The following POLR3E variants were observed in gnomAD, a reference collection of about 807,000 sequenced individuals.
The protein encoded by POLR3E is RNA polymerase III subunit E, also known as DNA-directed RNA polymerase III subunit RPC5.
POLR3E carries 41 observed loss-of-function variants against 96.6 expected under a neutral mutation model. The observed-to-expected ratio is 0.42, with a 90% confidence interval of 0.33 to 0.55. POLR3E has a LOEUF of 0.55. Ranked by LOEUF, POLR3E falls within the 20% of genes least tolerant of loss-of-function variation. POLR3E has a pLI of 0.06. For missense variants in POLR3E, 849 were observed against 952.1 expected (o/e 0.89, Z 1.43); for synonymous variants, 396 against 383.6 (o/e 1.03, Z -0.38).
In POLR3E at chr16:22,318,849, T is replaced by G; in HGVS notation, c.889T>G (p.Leu297Val). Reference protein sequence around the residue: ...KNVKVMPFANLMSLLGPSIDS... With the variant: ...KNVKVMPFANVMSLLGPSIDS... ...AGTGAAGGTCATGCCTTTTGCCAAC[T>G]TGATGAGCCTCCTGGGCCCCTCCAT... Residue 297 changes from leucine (L) to valine (V), a missense_variant, in exon 13 of 21, where the codon TTG becomes GTG. Physicochemically the swap from Leu to Val is conservative, Grantham distance 32. Transcript: ENST00000299853. This position sits in a 1 kb window ranked among gnomAD's most constrained non-coding sequence, Gnocchi z 5.0. 1 of 1,613,528 alleles carries G rather than the reference T, an allele frequency of 6.2e-7. No homozygotes were observed. Among genetic ancestry groups the G allele is most frequent in the Non-Finnish European group, 8.5e-7 (1 of 1,179,626 alleles).
chr16:22,299,150 C>T, intron 1 of POLR3E: 1 of 417,952 alleles, frequency 2.4e-6, no homozygotes. Context: ...CCTATCCTCT[C>T]CTGCAGGCGG....
chr16:22,321,961 G>A (rs561607075), intron 13 of POLR3E, among the ~76,000 whole-genome samples: 5 of 152,198 alleles, frequency 3.3e-5, no homozygotes, highest in Non-Finnish European at 5.9e-5. Flanking sequence ...GCCATGGACC[G>A]GGCTCTCATT....
intron 6 of POLR3E, among the ~76,000 whole-genome samples, chr16:22,311,492 TG>T (rs945757295): frequency 6.6e-6 from 1 of 151,060 alleles, no homozygotes; most frequent in African/African-American, 2.5e-5. Context: ...TGTTGTTGTT[TG>T]TTTTGGGGTT....
chr16:22,323,453 A>T (rs2048512478), intron 14 of POLR3E, among the ~76,000 whole-genome samples: 1 of 151,998 alleles, frequency 6.6e-6, no homozygotes, highest in South Asian at 2.1e-4. Context: ...CAAGGCCTGG[A>T]ACTCCATGCA....
intron 19 of POLR3E, 90 bp downstream of exon 19, chr16:22,328,677 C>G: frequency 1.0e-6 from 1 of 999,880 alleles, no homozygotes; most frequent in East Asian, 2.4e-5. Context: ...ACCCAAAGTG[C>G]AGCCACACAT....
intron 14 of POLR3E, among the ~76,000 whole-genome samples, chr16:22,323,879 A>C (rs1173562339): frequency 6.6e-6 from 1 of 152,094 alleles, no homozygotes; most frequent in Non-Finnish European, 1.5e-5. Context: ...TCTCTCTCCC[A>C]GTCACCCCAC....
At position 22,316,793 on chromosome 16, in the gene POLR3E, G is replaced by A; in HGVS notation, c.728+107G>A. ...CTGTGGCCCCTCCTGTAGCATGAGG[G>A]TGGAGCCCATTGTCCCCTGGAGAAG... is the stretch of plus-strand genomic sequence containing the variant. On this transcript the variant is annotated intron_variant, in intron 10 of 20. Coordinates refer to ENST00000299853, the MANE Select transcript of POLR3E (RefSeq NM_018119.4). 6 of 1,045,530 alleles carry A rather than the reference G, an allele frequency of 5.7e-6. No individual in the cohort carries two copies. In the South Asian group the frequency reaches 6.5e-5, roughly 11 times the overall value. The allele number at this position is 1,045,530 out of a possible 1,614,324, so 64.8% of individuals were successfully genotyped here.
Position 22,328,360 on chromosome 16 carries a change from C to T in POLR3E, c.1867-150C>T. 1.3e-5 allele frequency: 9 copies of T among 675,444 alleles called. No homozygotes were observed. In the South Asian group the frequency reaches 1.4e-4, roughly 10 times the overall value. The allele number at this position is 675,444 out of a possible 1,614,324, so 41.8% of individuals were successfully genotyped here. A position where few individuals can be genotyped will look rare whatever the true frequency, so the allele number is the denominator to read the frequency against. The stretch of plus-strand genomic sequence containing the variant: ...GGTGAGAGGCACAGGTTTGTGGCTG[C>T]CCAAGGCCCTCAGAGATGGTGAGTA... On this transcript the variant is annotated intron_variant, in intron 18 of 20. Coordinates refer to ENST00000299853, the MANE Select transcript of POLR3E (RefSeq NM_018119.4).
Position 22,302,990 on chromosome 16 carries a change from C to G in POLR3E, c.22C>G (p.Pro8Ala), listed in dbSNP as rs2048058191. MANEEDD[P>A]VVQEIDVYLA... ...TAGTATGGCCAATGAAGAGGATGACCCAGTTGTACAGGAGGTAACTGCTGC... is the reference window on the plus strand; with the variant it reads ...TAGTATGGCCAATGAAGAGGATGACGCAGTTGTACAGGAGGTAACTGCTGC... Residue 8 changes from proline to alanine, a missense_variant, in exon 2 of 21, where the codon CCA becomes GCA. By Grantham distance (27) the Pro-to-Ala change is conservative. Coordinates refer to ENST00000299853, the MANE Select transcript of POLR3E (RefSeq NM_018119.4). 1 of 1,613,980 alleles carries G rather than the reference C, an allele frequency of 6.2e-7. No homozygotes were observed. Among genetic ancestry groups the G allele is most frequent in the Non-Finnish European group, 8.5e-7 (1 of 1,179,894 alleles).
Position 22,325,261 on chromosome 16 carries a change from A to G in POLR3E, c.1343A>G (p.Gln448Arg), listed in dbSNP as rs2048555924. ...KETMPKKPDA[Q>R]SGPAGLVCGD... ...ACCATGCCAAAGAAGCCGGATGCACAATCAGGTGTGTGAGGGGCTTTGGGC... is the reference window on the plus strand; with the variant it reads ...ACCATGCCAAAGAAGCCGGATGCACGATCAGGTGTGTGAGGGGCTTTGGGC... The change falls in exon 17 of 21, where the codon CAA (glutamine) becomes CGA (arginine). Residue 448 changes from glutamine to arginine, a missense_variant. Physicochemically the swap from Gln to Arg is conservative, Grantham distance 43 (BLOSUM62 1). Transcript: ENST00000299853. 1 of 1,613,328 alleles carries G rather than the reference A, an allele frequency of 6.2e-7. No individual in the cohort carries two copies. The highest frequency in any genetic ancestry group is 1.3e-5 in the African/African-American group (1 of 75,038).
intron 2 of POLR3E, 141 bp from the exon 3 acceptor site, chr16:22,305,015 G>A: frequency 1.4e-6 from 1 of 733,412 alleles, no homozygotes; most frequent in South Asian, 1.5e-5. Context: ...CTTGCTTTTA[G>A]CATGAGCTGA....
chr16:22,320,492 C>T (rs2048449625), intron 13 of POLR3E, among the ~76,000 whole-genome samples: 1 of 152,092 alleles, frequency 6.6e-6, no homozygotes, highest in South Asian at 2.1e-4. Flanking sequence ...AACTCCTGAC[C>T]TCAGGTGATG....
At chr16:22,326,680 C>T (rs1474172431) in intron 18 of POLR3E, 9 of 302,368 alleles carry the variant, frequency 3.0e-5, no homozygotes, top group Non-Finnish European at 5.8e-5. Flanking sequence ...GATGAAGAAA[C>T]TGAGGCTCCA....
intron 2 of POLR3E, among the ~76,000 whole-genome samples, chr16:22,304,594 G>C (rs1462435658): frequency 6.6e-6 from 1 of 152,160 alleles, no homozygotes; most frequent in Admixed American, 6.5e-5. Flanking sequence ...CATGTGCAAA[G>C]GCCCAGGGGT....
chr16:22,309,078 G>A (rs201469245), intron 5 of POLR3E, 38 bp downstream of exon 5: 275 of 1,414,044 alleles, frequency 1.9e-4, no homozygotes, highest in East Asian at 2.0e-4. Context: ...GTTTCCCTGC[G>A]TTCACACAGG....
At chr16:22,306,048 C>T (rs746446118) in intron 3 of POLR3E, among the ~76,000 whole-genome samples, 7 of 152,078 alleles carry the variant, frequency 4.6e-5, no homozygotes, top group South Asian at 2.1e-4. Context: ...TGCCTATTAG[C>T]GATCAGTCTG....
chr16:22,312,888 A>C (rs1379781706), intron 6 of POLR3E, among the ~76,000 whole-genome samples: 3 of 151,700 alleles, frequency 2.0e-5, no homozygotes, highest in African/African-American at 7.3e-5. Flanking sequence ...AAAAAAAAAA[A>C]AAAAAAAAAC....
In POLR3E at chr16:22,328,518, C is replaced by G. The variant is rs369618073; in HGVS notation, c.1875C>G (p.Pro625=). The G allele has an allele frequency of 1.5e-5, 24 of 1,613,874 alleles. No homozygotes were observed. The highest frequency in any genetic ancestry group is 3.3e-5 in the Admixed American group (2 of 60,000). Residue 625 remains proline, a synonymous_variant, in exon 19 of 21, where the codon CCC becomes CCG. Coordinates refer to ENST00000299853, the MANE Select transcript of POLR3E (RefSeq NM_018119.4). ...GCKQILVPFP[P]QTAASPDEQK... ...CCCTGGGCCTTGGTCAGTTTCCCCC[C>G]CAGACTGCTGCTTCCCCGGATGAGC... is the stretch of plus-strand genomic sequence containing the variant.
chr16:22,322,819 A>T lies in POLR3E; in HGVS notation c.987-31A>T, dbSNP rs757818110. The T allele has an allele frequency of 6.7e-7, 1 of 1,500,630 alleles. No individual in the cohort carries two copies. The highest frequency in any genetic ancestry group is 9.3e-7 in the Non-Finnish European group (1 of 1,078,376). The allele number at this position is 1,500,630 out of a possible 1,614,324, so 93.0% of individuals were successfully genotyped here. ...GCGGTAGAGGGGGCTCAGGGCAGGG[A>T]CTGACCTGCCATCCTCACCTGCATT... On this transcript the variant is annotated intron_variant, in intron 13 of 20. Transcript: ENST00000299853. This position sits in a 1 kb window ranked among gnomAD's most constrained non-coding sequence, Gnocchi z 5.2.
Sources: gnomAD v4.1 joint callset for allele counts (sites outside exome capture counted in the v4.1 genomes callset) on GRCh38, gnomAD v4.1.1 for gene constraint, Gnocchi (gnomAD v3.1) non-coding constraint, MANE v1.5 for transcripts, NCBI Gene and HGNC (gene_info 2026-07-23, HGNC 2026-07-21) for gene names.